SUCLG2: variants seen among roughly 807,000 people sequenced by gnomAD.
SUCLG2 encodes succinate-CoA ligase GDP-forming subunit beta.
SUCLG2 carries 42 observed loss-of-function variants against 47.9 expected under a neutral mutation model. The ratio of observed to expected loss-of-function variants is 0.88; its 90% CI spans 0.69 to 1.14. The LOEUF (loss-of-function observed/expected upper bound fraction) is 1.14. SUCLG2 is among the 50% of genes most tolerant of loss of function. The pLI, the probability that SUCLG2 is intolerant of heterozygous loss-of-function variation, is 0.00. For missense variants in SUCLG2, 571 were observed against 525.9 expected, an observed-to-expected ratio of 1.09 and a Z score of -0.84; for synonymous variants, 195 against 197.3, an observed-to-expected ratio of 0.99 and a Z score of 0.10.
chr3:67,395,343 G>A (rs1211856947), intron 10 of SUCLG2, among the ~76,000 whole-genome samples: 1 of 152,016 alleles, frequency 6.6e-6, no homozygotes, highest in Non-Finnish European at 1.5e-5. Flanking sequence ...CCAAGCAAAT[G>A]GAAAACAGAA....
intron 9 of SUCLG2, among the ~76,000 whole-genome samples, chr3:67,454,510 C>T (rs1198368090): frequency 1.3e-5 from 2 of 152,134 alleles, no homozygotes; most frequent in Admixed American, 6.5e-5. Context: ...TCCCTCTCTT[C>T]CTCTCTATAT....
intron 2 of SUCLG2, among the ~76,000 whole-genome samples, chr3:67,571,374 C>T (rs1053376497): frequency 6.6e-6 from 1 of 152,092 alleles, no homozygotes; most frequent in African/African-American, 2.4e-5. Flanking sequence ...TTTAAGAAAC[C>T]CTGCATTAGA....
intron 9 of SUCLG2, among the ~76,000 whole-genome samples, chr3:67,411,498 T>C (rs980967789): frequency 6.6e-6 from 1 of 152,158 alleles, no homozygotes; most frequent in Non-Finnish European, 1.5e-5. Flanking sequence ...AATATCTGGC[T>C]GGAAAGAGTA....
intron 2 of SUCLG2, among the ~76,000 whole-genome samples, chr3:67,597,953 AAAC>A (rs1202490325): frequency 6.6e-6 from 1 of 151,736 alleles, no homozygotes; most frequent in Non-Finnish European, 1.5e-5. Flanking sequence ...ACAAACAAAC[AAAC>A]AACAACAACA....
At chr3:67,585,284 A>G (rs2107265724) in intron 2 of SUCLG2, among the ~76,000 whole-genome samples, 1 of 152,116 alleles carries the variant, frequency 6.6e-6, no homozygotes. Context: ...TGATCCCACC[A>G]ATCCAGTCCT....
chr3:67,544,342 G>T (rs1456116031), intron 2 of SUCLG2, among the ~76,000 whole-genome samples: 1 of 152,090 alleles, frequency 6.6e-6, no homozygotes, highest in East Asian at 1.9e-4. Context: ...CTAGTGGGAG[G>T]TGATTGGATC....
At chr3:67,514,375 T>A in intron 6 of SUCLG2, 1 of 338,278 alleles carries the variant, frequency 3.0e-6, no homozygotes, top group Non-Finnish European at 6.1e-6. Flanking sequence ...CGTCTATTAA[T>A]CAAACAAAAA....
chr3:67,597,415 T>G (rs2107290122), intron 2 of SUCLG2, among the ~76,000 whole-genome samples: 1 of 152,290 alleles, frequency 6.6e-6, no homozygotes, highest in East Asian at 1.9e-4. Flanking sequence ...CTTTGTTCTC[T>G]TATTAACTCT....
intron 1 of SUCLG2, among the ~76,000 whole-genome samples, chr3:67,628,203 T>C (rs981135161): frequency 2.0e-5 from 3 of 152,244 alleles, no homozygotes; most frequent in Admixed American, 1.3e-4. Context: ...ACTAATTTTA[T>C]ATATGTATAT....
At chr3:67,493,454 T>C (rs1014595098) in intron 9 of SUCLG2, among the ~76,000 whole-genome samples, 1 of 152,126 alleles carries the variant, frequency 6.6e-6, no homozygotes, top group Non-Finnish European at 1.5e-5. Flanking sequence ...TTCCATAAAG[T>C]CAAAATTTTG....
rs561344998 is a variant in SUCLG2 at position 67,499,720 on chromosome 3, GTTTA to G, written c.758-1429_758-1426del. Among the ~76,000 whole-genome samples the G allele has an allele frequency of 2.9e-3, 433 of 150,848 alleles. 2 individuals carry two copies. Among genetic ancestry groups the G allele is most frequent in the Middle Eastern group, 0.01 (3 of 294 alleles). ...ATGTCATCATAATGTTTGTTTGTTT[GTTTA>G]TTTATTTATTTATTTATTTATTTCG... On this transcript the variant is annotated intron_variant, in intron 7 of 10. Coordinates refer to ENST00000307227, the MANE Select transcript of SUCLG2 (RefSeq NM_003848.4).
intron 9 of SUCLG2, among the ~76,000 whole-genome samples, chr3:67,482,187 G>A (rs1463519918): frequency 6.6e-6 from 1 of 151,624 alleles, no homozygotes; most frequent in Non-Finnish European, 1.5e-5. Context: ...CAATAAGAAG[G>A]AAGGAAGGAA....
At chr3:67,637,856 A>G (rs941537972) in intron 1 of SUCLG2, among the ~76,000 whole-genome samples, 1 of 152,204 alleles carries the variant, frequency 6.6e-6, no homozygotes, top group African/African-American at 2.4e-5. Context: ...GAGGACAGTT[A>G]AACAGGATAA....
intron 2 of SUCLG2, among the ~76,000 whole-genome samples, chr3:67,563,515 T>C (rs1707363305): frequency 6.6e-6 from 1 of 152,154 alleles, no homozygotes; most frequent in Non-Finnish European, 1.5e-5. Flanking sequence ...AATGAAGCTG[T>C]TCCCTATACA....
At chr3:67,435,654 T>C (rs185500861) in intron 9 of SUCLG2, among the ~76,000 whole-genome samples, 4 of 152,310 alleles carry the variant, frequency 2.6e-5, no homozygotes, top group Admixed American at 2.0e-4. Flanking sequence ...GTTGCAAGAA[T>C]AGGAAAGCTA....
chr3:67,389,763 G>C (rs1241820347), intron 10 of SUCLG2, among the ~76,000 whole-genome samples: 1 of 152,010 alleles, frequency 6.6e-6, no homozygotes, highest in Non-Finnish European at 1.5e-5. Flanking sequence ...AGATAAAGTG[G>C]TACAAAGAGA....
intron 1 of SUCLG2, among the ~76,000 whole-genome samples, chr3:67,614,241 C>A (rs1700584214): frequency 2.0e-5 from 3 of 152,232 alleles, no homozygotes; most frequent in African/African-American, 2.4e-5. Flanking sequence ...CAGGACCATT[C>A]CACAGGCTCT....
At chr3:67,591,678 C>T (rs1708170170) in intron 2 of SUCLG2, among the ~76,000 whole-genome samples, 1 of 152,132 alleles carries the variant, frequency 6.6e-6, no homozygotes, top group Admixed American at 6.5e-5. Context: ...AACTGTAAGT[C>T]CAATTAAATC....
At chr3:67,369,332 T>G (rs1443062775) in intron 10 of SUCLG2, among the ~76,000 whole-genome samples, 1 of 152,220 alleles carries the variant, frequency 6.6e-6, no homozygotes, top group Non-Finnish European at 1.5e-5. Context: ...TGCCTTTGGC[T>G]TACCCCTCTT....
Sources: gnomAD v4.1 joint callset for allele counts (sites outside exome capture counted in the v4.1 genomes callset) on GRCh38, gnomAD v4.1.1 for gene constraint, MANE v1.5 for transcripts, NCBI Gene and HGNC (gene_info 2026-07-23, HGNC 2026-07-21) for gene names.